Variants in NEK10 observed in about 807,000 individuals in gnomAD.
NEK10 encodes NIMA related kinase 10, also known as serine/threonine-protein kinase Nek10.
In NEK10, 122 loss-of-function variants were observed where a neutral mutation model predicts 159.8. The observed-to-expected ratio is 0.76, with a 90% CI of 0.66 to 0.89. NEK10 has a LOEUF of 0.89. NEK10 is among the 40% of genes least tolerant of loss of function. NEK10 has a pLI of 0.00. For synonymous variants in NEK10, 466 were observed against 457.1 expected (o/e 1.02, Z -0.25); for missense variants, 1,342 against 1,323.1 (o/e 1.01, Z -0.22).
chr3:27,124,078 A>G (rs76680544), intron 32 of NEK10, among the ~76,000 whole-genome samples: 300 of 152,170 alleles, frequency 2.0e-3, no homozygotes, highest in African/African-American at 6.9e-3. Context: ...GATGTAATAC[A>G]CAAAACAGTT....
At chr3:27,119,695 T>G (rs915477058) in intron 33 of NEK10, 65 bp downstream of exon 33, 1 of 1,217,146 alleles carries the variant, frequency 8.2e-7, no homozygotes, top group Non-Finnish European at 1.2e-6. Flanking sequence ...CTTTTAGAAA[T>G]AGCTGTTGAT....
chr3:27,244,044 T>G (rs1954823900), intron 23 of NEK10, among the ~76,000 whole-genome samples: 1 of 152,102 alleles, frequency 6.6e-6, no homozygotes, highest in African/African-American at 2.4e-5. Context: ...AAAACCGCAT[T>G]TCCATCAAGT....
intron 30 of NEK10, among the ~76,000 whole-genome samples, chr3:27,150,430 T>C (rs1326006134): frequency 2.0e-5 from 3 of 152,196 alleles, no homozygotes; most frequent in Non-Finnish European, 4.4e-5. Flanking sequence ...TTGAAGCCAA[T>C]GCTTATTGAC....
chr3:27,305,806 G>T (rs902191266), intron 11 of NEK10, among the ~76,000 whole-genome samples: 2 of 152,060 alleles, frequency 1.3e-5, no homozygotes, highest in African/African-American at 4.8e-5. Context: ...ACAAGGTTCA[G>T]CTGTGCCATG....
At chr3:27,331,251 C>CAAAAAAAAAAAAAAAAAAAAA (rs1247716064) in intron 5 of NEK10, among the ~76,000 whole-genome samples, 1 of 53,910 alleles carries the variant, frequency 1.9e-5, no homozygotes, top group African/African-American at 4.6e-5. Context: ...AAAAAAAAAA[C>CAAAAAAAAAAAAAAAAAAAAA]AAAAAAAAAA....
At chr3:27,142,525 T>G (rs1490844216) in intron 30 of NEK10, among the ~76,000 whole-genome samples, 1 of 150,538 alleles carries the variant, frequency 6.6e-6, no homozygotes, top group Non-Finnish European at 1.5e-5. Context: ...AAAAAAAAGA[T>G]GAAAGTTCCA....
At chr3:27,353,021 G>A in intron 1 of NEK10, 102 bp from the exon 2 acceptor site, 1 of 604,630 alleles carries the variant, frequency 1.7e-6, no homozygotes, top group South Asian at 2.0e-5. Flanking sequence ...ATTTAAACAT[G>A]GAAAACCTAG....
intron 13 of NEK10, among the ~76,000 whole-genome samples, chr3:27,301,182 T>C (rs2043794732): frequency 1.3e-5 from 2 of 152,194 alleles, no homozygotes; most frequent in Admixed American, 1.3e-4. Flanking sequence ...AAGGTGGCCC[T>C]GCCAAAAAGC....
intron 25 of NEK10, 55 bp downstream of exon 25, chr3:27,201,455 G>T: frequency 7.2e-7 from 1 of 1,390,082 alleles, no homozygotes; most frequent in South Asian, 1.2e-5. Flanking sequence ...ATTTATTATA[G>T]AAATGAGGTA....
At chr3:27,204,275 C>CTTTTTTTT (rs1203026508) in intron 23 of NEK10, among the ~76,000 whole-genome samples, 42 of 63,916 alleles carry the variant, frequency 6.6e-4, no homozygotes, top group African/African-American at 7.2e-4. Flanking sequence ...GATAAATTTT[C>CTTTTTTTT]TTTTTTTTTT....
chr3:27,143,494 G>A, intron 30 of NEK10: 1 of 756,510 alleles, frequency 1.3e-6, no homozygotes, highest in South Asian at 1.4e-5. Context: ...AAAACAAAGA[G>A]TTAGCTAGAA....
At chr3:27,262,294 C>G (rs1223171591) in intron 22 of NEK10, among the ~76,000 whole-genome samples, 2 of 152,178 alleles carry the variant, frequency 1.3e-5, no homozygotes, top group Non-Finnish European at 2.9e-5. Flanking sequence ...TTCGGTGAAT[C>G]TGACAATTAT....
intron 22 of NEK10, among the ~76,000 whole-genome samples, chr3:27,270,055 C>G (rs1462484773): frequency 6.6e-6 from 1 of 152,158 alleles, no homozygotes; most frequent in Non-Finnish European, 1.5e-5. Flanking sequence ...AATTGTCCTT[C>G]TCTTATGTGT....
At chr3:27,334,112 T>C in intron 5 of NEK10, among the ~76,000 whole-genome samples, 1 of 152,094 alleles carries the variant, frequency 6.6e-6, no homozygotes, top group Non-Finnish European at 1.5e-5. Context: ...GGCCAGGGGA[T>C]TGCCCAGCCT....
Position 27,281,352 on chromosome 3 carries a change from C to G in NEK10, c.2014+3250G>C, listed in dbSNP as rs144028824. Among the ~76,000 whole-genome samples, 5 of 152,062 alleles carry G rather than the reference C, an allele frequency of 3.3e-5. No individual in the cohort carries two copies. The East Asian group carries it at 9.7e-4, about 29-fold the overall frequency. On this transcript the variant is annotated intron_variant, in intron 22 of 35. Transcript: ENST00000691995. ...CCAGATTGAAGAGCACACGTGGCTA[C>G]AGACACATTGAATTTTAAAGACCCA...
At chr3:27,271,648 T>C (rs975191401) in intron 22 of NEK10, among the ~76,000 whole-genome samples, 3 of 152,166 alleles carry the variant, frequency 2.0e-5, no homozygotes, top group Admixed American at 1.3e-4. Context: ...GAGGTATTCT[T>C]AAAATGAGCA....
chr3:27,182,306 T>C (rs1575137327), intron 26 of NEK10, among the ~76,000 whole-genome samples: 1 of 152,196 alleles, frequency 6.6e-6, no homozygotes, highest in South Asian at 2.1e-4. Context: ...CCACAATGTA[T>C]ATATATTCAA....
rs1259836817 is a variant in NEK10 at position 27,286,077 on chromosome 3, T to A, written c.1790-1116A>T. On this transcript the variant is annotated intron_variant, in intron 20 of 35. Transcript: ENST00000691995. ...TTATGTATTTTTAAGCCATTTCCAA[T>A]TCTTTTTTTTTTTTTTTTTTTTTTT... 2.4e-5 allele frequency among the ~76,000 whole-genome samples: 3 copies of A among 127,172 alleles called. No homozygotes were observed. The Admixed American group carries it at 2.5e-4, about 11-fold the overall frequency. The allele number at this position is 127,172 out of a possible 152,430, so 83.4% of individuals were successfully genotyped here.
chr3:27,151,610 C>G (rs1274126837), intron 30 of NEK10, among the ~76,000 whole-genome samples: 1 of 152,130 alleles, frequency 6.6e-6, no homozygotes, highest in Non-Finnish European at 1.5e-5. Context: ...GTAACACCCC[C>G]CAAAAATCAC....
Sources: allele counts gnomAD v4.1 joint callset (sites outside exome capture counted in the v4.1 genomes callset), GRCh38; gene constraint gnomAD v4.1.1; transcripts MANE v1.5; gene names NCBI Gene and HGNC (gene_info 2026-07-23, HGNC 2026-07-21).